Variants in CDHR3 observed in about 807,000 individuals in gnomAD.
The protein encoded by CDHR3 is cadherin related family member 3.
In CDHR3, 79 loss-of-function variants were observed where a neutral mutation model predicts 86.6. That is an observed-to-expected ratio of 0.91 (90% CI 0.76 to 1.10). The LOEUF (loss-of-function observed/expected upper bound fraction) is 1.10, where lower values mean the gene tolerates loss of function less well. CDHR3 is among the 50% of genes least tolerant of loss of function. The pLI is 0.00. For synonymous variants in CDHR3, 421 were observed against 402.4 expected (o/e 1.05, Z -0.55); for missense variants, 1,081 against 1,077.6 (o/e 1.00, Z -0.04).
chr7:106,008,720 C>T (rs990327352), intron 8 of CDHR3, among the ~76,000 whole-genome samples: 1 of 152,140 alleles, frequency 6.6e-6, no homozygotes, highest in Non-Finnish European at 1.5e-5. Flanking sequence ...GGAGTGGAGA[C>T]AATTTGCAGC....
rs999410477 is a variant in CDHR3, at chr7:106,027,473, T to G, written c.2272+778T>G. On this transcript the variant is annotated intron_variant, in intron 16 of 18. Coordinates refer to ENST00000317716, the MANE Select transcript of CDHR3 (RefSeq NM_152750.5). ...TGATCATTTCCACAAATTATTTAGG[T>G]TAGACTAGTGAGAAGGGGGAGATGA... Among the ~76,000 whole-genome samples the G allele has an allele frequency of 2.0e-5, 3 of 151,656 alleles. No individual in the cohort carries two copies. In the South Asian group the frequency reaches 6.2e-4, roughly 32 times the overall value.
At chr7:106,009,545 T>C (rs949971298) in intron 8 of CDHR3, among the ~76,000 whole-genome samples, 10 of 152,234 alleles carry the variant, frequency 6.6e-5, no homozygotes, top group African/African-American at 2.4e-4. Flanking sequence ...GTGGGCGCGG[T>C]CTCTGCTGTG....
At chr7:106,031,823 A>G (rs1838420056) in intron 18 of CDHR3, among the ~76,000 whole-genome samples, 1 of 152,180 alleles carries the variant, frequency 6.6e-6, no homozygotes, top group African/African-American at 2.4e-5. Context: ...ACATGAGCCA[A>G]CTGGCCTAAG....
At chr7:105,986,547 A>T (rs1358912997) in intron 4 of CDHR3, among the ~76,000 whole-genome samples, 1 of 152,256 alleles carries the variant, frequency 6.6e-6, no homozygotes, top group African/African-American at 2.4e-5. Flanking sequence ...CCAAAGTTTT[A>T]CATGACGTGG....
chr7:105,969,872 G>C (rs998214778), intron 1 of CDHR3, among the ~76,000 whole-genome samples: 2 of 152,074 alleles, frequency 1.3e-5, no homozygotes, highest in Admixed American at 6.6e-5. Context: ...TTTAGCAAAG[G>C]AACCCTGTTT....
chr7:105,974,718 C>A, intron 1 of CDHR3, 126 bp from the exon 2 acceptor site: 1 of 697,934 alleles, frequency 1.4e-6, no homozygotes, highest in Non-Finnish European at 2.5e-6. Flanking sequence ...CGTTTGTTCT[C>A]GGGGAGTGAC....
intron 4 of CDHR3, among the ~76,000 whole-genome samples, chr7:105,992,486 C>T (rs1012696662): frequency 2.0e-5 from 3 of 152,184 alleles, no homozygotes; most frequent in Non-Finnish European, 4.4e-5. Flanking sequence ...ATTTAAACCC[C>T]ACACCTGGGA....
intron 2 of CDHR3, among the ~76,000 whole-genome samples, chr7:105,977,314 G>A (rs1828980396): frequency 6.6e-6 from 1 of 152,192 alleles, no homozygotes; most frequent in South Asian, 2.1e-4. Context: ...GTCTATCGCT[G>A]TTTGTGTGAG....
At chr7:106,001,638 G>T (rs1833192508) in intron 7 of CDHR3, 28 bp downstream of exon 7, 1 of 1,612,086 alleles carries the variant, frequency 6.2e-7, no homozygotes, top group South Asian at 1.1e-5. Context: ...ATCCTTAAGT[G>T]CATCCTCTAA....
chr7:106,000,083 C>T (rs1181797427), intron 6 of CDHR3, among the ~76,000 whole-genome samples: 1 of 152,262 alleles, frequency 6.6e-6, no homozygotes, highest in African/African-American at 2.4e-5. Context: ...CATCCCACCT[C>T]TTTGGCCCCA....
rs765455329 is a variant in CDHR3, at chr7:106,020,373, G to A, written c.1654G>A (p.Val552Ile). ...AATGACCACCTTCTTGCTACTCTAG[G>A]TTACTGTGAACATCCTTGAAGAAAA... Reference protein sequence around the residue: ...TNNEDTSSVTVTVNILEENDE... With the variant: ...TNNEDTSSVTITVNILEENDE... Residue 552 changes from valine to isoleucine, a missense_variant and splice_region_variant, in exon 13 of 19, where the codon GTT becomes ATT. Physicochemically the swap from Val to Ile is conservative, Grantham distance 29 (BLOSUM62 3). Transcript: ENST00000317716. 13 of 1,604,424 alleles carry A rather than the reference G, an allele frequency of 8.1e-6. No homozygotes were observed. In the South Asian group the frequency reaches 1.0e-4, roughly 12 times the overall value.
intron 16 of CDHR3, chr7:106,028,332 C>T (rs373588716): frequency 8.7e-5 from 50 of 576,122 alleles, no homozygotes; most frequent in East Asian, 7.5e-4. Context: ...CTAAATTGTT[C>T]GTATGTTATT....
chr7:106,005,814 C>G (rs751750750), intron 8 of CDHR3, among the ~76,000 whole-genome samples: 2 of 152,162 alleles, frequency 1.3e-5, no homozygotes, highest in Non-Finnish European at 2.9e-5. Flanking sequence ...CATGTGACCT[C>G]GAGTCTGATA....
intron 12 of CDHR3, among the ~76,000 whole-genome samples, chr7:106,018,516 G>A (rs531068325): frequency 1.7e-4 from 26 of 152,272 alleles, no homozygotes; most frequent in African/African-American, 6.0e-4. Context: ...GATTATAGGC[G>A]TGAGCCACTG....
At chr7:105,971,140 C>CAA (rs5886378) in intron 1 of CDHR3, among the ~76,000 whole-genome samples, 30,561 of 136,612 alleles carry the variant, frequency 0.22, 3,763 homozygotes, top group East Asian at 0.56. Flanking sequence ...GACTCCATTT[C>CAA]AAAAAAAAAA....
At position 105,971,700 on chromosome 7, in the gene CDHR3, C is replaced by T. The variant is rs547959363; in HGVS notation, c.47-3144C>T. 2.0e-5 allele frequency among the ~76,000 whole-genome samples: 3 copies of T among 152,278 alleles called. No individual in the cohort carries two copies. In the South Asian group the frequency reaches 6.2e-4, roughly 32 times the overall value. ...GGGAGCATGGCTTCTCTACAGTCCC[C>T]AGCTCCCCAAAGGAGCTGCACTAAG... On this transcript the variant is annotated intron_variant, in intron 1 of 18. Coordinates refer to ENST00000317716, the MANE Select transcript of CDHR3 (RefSeq NM_152750.5).
chr7:106,012,301 G>C (rs753794789), intron 8 of CDHR3, among the ~76,000 whole-genome samples: 1 of 152,058 alleles, frequency 6.6e-6, no homozygotes, highest in Non-Finnish European at 1.5e-5. Context: ...AGGAAGTACC[G>C]GGCAGGGAAC....
At chr7:105,998,231 T>C (rs1832564153) in intron 6 of CDHR3, among the ~76,000 whole-genome samples, 2 of 152,238 alleles carry the variant, frequency 1.3e-5, no homozygotes, top group Non-Finnish European at 2.9e-5. Flanking sequence ...ACTTCTTTAA[T>C]TCAGGATTAA....
chr7:106,008,853 G>A (rs1033236209), intron 8 of CDHR3, among the ~76,000 whole-genome samples: 1 of 152,152 alleles, frequency 6.6e-6, no homozygotes, highest in Admixed American at 6.5e-5. Context: ...TCTGCCCTAA[G>A]AGGTAGGGGG....
Sources: gnomAD v4.1 joint callset for allele counts (sites outside exome capture counted in the v4.1 genomes callset) on GRCh38, gnomAD v4.1.1 for gene constraint, MANE v1.5 for transcripts, NCBI Gene and HGNC (gene_info 2026-07-23, HGNC 2026-07-21) for gene names.